Variants in PTPRM observed in about 807,000 individuals in gnomAD.
The protein encoded by PTPRM is protein tyrosine phosphatase receptor type M, also known as receptor-type tyrosine-protein phosphatase mu.
In PTPRM, 47 loss-of-function variants were observed where a neutral mutation model predicts 186.7. The ratio of observed to expected loss-of-function variants is 0.25; its 90% CI spans 0.20 to 0.32. The LOEUF (loss-of-function observed/expected upper bound fraction) is 0.32. PTPRM is among the 10% of genes least tolerant of loss of function. The probability of loss-of-function intolerance (pLI) is 1.00; values close to 1 mark genes in which losing one functional copy is unlikely to be tolerated. For missense variants in PTPRM, 1,494 were observed against 1,865.0 expected (o/e 0.80, Z 3.66); for synonymous variants, 668 against 674.9 (o/e 0.99, Z 0.16).
At chr18:7,926,433 T>C (rs2146798750) in intron 4 of PTPRM, 135 bp from the exon 5 acceptor site, 4 of 518,912 alleles carry the variant, frequency 7.7e-6, no homozygotes, top group Non-Finnish European at 1.3e-5. Flanking sequence ...CTTTAAAGCT[T>C]ATATAAGCAA....
intron 1 of PTPRM, among the ~76,000 whole-genome samples, chr18:7,714,678 AG>A (rs1297117036): frequency 1.3e-5 from 2 of 152,192 alleles, no homozygotes; most frequent in African/African-American, 4.8e-5. Flanking sequence ...AAAATGATAA[AG>A]GGGGTATCAC....
chr18:8,045,523 T>G (rs1041762209), intron 7 of PTPRM, among the ~76,000 whole-genome samples: 2 of 152,204 alleles, frequency 1.3e-5, no homozygotes, highest in African/African-American at 4.8e-5. Flanking sequence ...ACAACATGGA[T>G]GAACTTTGGG....
chr18:7,727,946 T>TAAA (rs2040582324), intron 1 of PTPRM, among the ~76,000 whole-genome samples: 1 of 152,190 alleles, frequency 6.6e-6, no homozygotes, highest in East Asian at 1.9e-4. Flanking sequence ...TTACAGGCAC[T>TAAA]AAAATCAAGG....
intron 7 of PTPRM, among the ~76,000 whole-genome samples, chr18:8,017,446 G>A (rs573079461): frequency 7.9e-5 from 12 of 151,700 alleles, no homozygotes; most frequent in South Asian, 4.2e-4. Flanking sequence ...AGTTGGGTGC[G>A]GTGACATGCA....
chr18:8,250,110 C>T (rs117540073), intron 17 of PTPRM, among the ~76,000 whole-genome samples: 1,913 of 152,242 alleles, frequency 0.013, 17 homozygotes, highest in Middle Eastern at 0.048. Flanking sequence ...AGTCAGAGCT[C>T]AGCACAATTA....
At chr18:8,283,715 A>G (rs1601624447) in intron 19 of PTPRM, among the ~76,000 whole-genome samples, 1 of 152,078 alleles carries the variant, frequency 6.6e-6, no homozygotes, top group South Asian at 2.1e-4. Context: ...CAACCTGAAG[A>G]GATCCTCTTG....
In PTPRM at chr18:7,634,456, T is replaced by C. The variant is rs1425110520; in HGVS notation, c.73+66565T>C. On this transcript the variant is annotated intron_variant, in intron 1 of 32. Transcript: ENST00000580170. ...ACCCAGTTATACCATGGCTATGTCT[T>C]TGTCCCCATGGCTGTGAAGGTAGGA... Among the ~76,000 whole-genome samples, 25 of 152,214 alleles carry C rather than the reference T, an allele frequency of 1.6e-4. 1 individual carries two copies. Among genetic ancestry groups the C allele is most frequent in the Admixed American group, 1.6e-3 (25 of 15,272 alleles).
At chr18:7,719,838 A>T (rs1431644023) in intron 1 of PTPRM, among the ~76,000 whole-genome samples, 2 of 152,354 alleles carry the variant, frequency 1.3e-5, no homozygotes, top group East Asian at 3.9e-4. Context: ...GAAAATCCAA[A>T]CAATCAATGA....
At chr18:7,990,140 G>A (rs1328883408) in intron 7 of PTPRM, among the ~76,000 whole-genome samples, 2 of 152,172 alleles carry the variant, frequency 1.3e-5, no homozygotes, top group African/African-American at 4.8e-5. Flanking sequence ...CTGGCCTCGT[G>A]TGATTCACTG....
Position 7,585,625 on chromosome 18 carries a change from T to C in PTPRM, c.73+17734T>C, listed in dbSNP as rs188854480. ...GTCCAAGGCTTTCTCTCTTTTTTTT[T>C]CCTCTTCTTCTTTTCCCTCATCTAT... On this transcript the variant is annotated intron_variant, in intron 1 of 32. Coordinates refer to ENST00000580170, the MANE Select transcript of PTPRM (RefSeq NM_001105244.2). Among the ~76,000 whole-genome samples, 9 of 152,294 alleles carry C rather than the reference T, an allele frequency of 5.9e-5. 1 individual carries two copies. The East Asian group carries it at 1.4e-3, about 23-fold the overall frequency.
chr18:7,877,360 TATGCTGATTTAAAGATGGATGTTG>T (rs552323663), intron 2 of PTPRM, among the ~76,000 whole-genome samples: 85 of 152,304 alleles, frequency 5.6e-4, no homozygotes, highest in African/African-American at 2.0e-3. Context: ...CTGACCTTGT[TATGCTGATTTAAAGATGGATGTTG>T]GTAACCTGTG....
At chr18:7,704,613 T>A (rs2040037676) in intron 1 of PTPRM, among the ~76,000 whole-genome samples, 1 of 151,708 alleles carries the variant, frequency 6.6e-6, no homozygotes, top group South Asian at 2.1e-4. Context: ...AAAGAAGACA[T>A]CGAAATTTGA....
intron 1 of PTPRM, among the ~76,000 whole-genome samples, chr18:7,604,114 T>G (rs542863259): frequency 6.0e-4 from 91 of 152,346 alleles, no homozygotes; most frequent in African/African-American, 2.1e-3. Flanking sequence ...CCCAATACAT[T>G]TATTCTTTTA....
At chr18:8,286,301 C>G (rs902786402) in intron 19 of PTPRM, among the ~76,000 whole-genome samples, 10 of 152,184 alleles carry the variant, frequency 6.6e-5, no homozygotes, top group Non-Finnish European at 1.5e-4. Flanking sequence ...ACGACATTCA[C>G]CCAAGACCTA....
At chr18:7,833,682 C>T (rs552587249) in intron 2 of PTPRM, among the ~76,000 whole-genome samples, 6 of 151,226 alleles carry the variant, frequency 4.0e-5, no homozygotes, top group East Asian at 2.0e-4. Flanking sequence ...TACAGTGAGC[C>T]GAGATCTCAC....
At chr18:8,163,172 G>A (rs1001492850) in intron 14 of PTPRM, among the ~76,000 whole-genome samples, 34 of 152,308 alleles carry the variant, frequency 2.2e-4, no homozygotes, top group African/African-American at 7.7e-4. Flanking sequence ...TAATTGCTGT[G>A]CTGGTGCCTG....
rs868193441 is a variant in PTPRM, at chr18:7,710,022, G to A, written c.74-64127G>A. Among the ~76,000 whole-genome samples, 7 of 151,978 alleles carry A rather than the reference G, an allele frequency of 4.6e-5. No individual in the cohort carries two copies. The South Asian group carries it at 1.5e-3, about 32-fold the overall frequency. On this transcript the variant is annotated intron_variant, in intron 1 of 32. Transcript: ENST00000580170. ...ACTGAAACTATTCCAAAGATAAAGA[G>A]GGAATCCTCCCTAAGTCATTCTATG...
At chr18:7,715,677 A>G (rs1184494629) in intron 1 of PTPRM, among the ~76,000 whole-genome samples, 2 of 152,250 alleles carry the variant, frequency 1.3e-5, no homozygotes, top group Admixed American at 6.5e-5. Flanking sequence ...TACAAAATCA[A>G]TGTGCAAAAA....
intron 14 of PTPRM, among the ~76,000 whole-genome samples, chr18:8,216,558 C>T (rs1008921671): frequency 3.9e-5 from 6 of 152,114 alleles, no homozygotes; most frequent in African/African-American, 1.4e-4. Flanking sequence ...TGGTAATACA[C>T]CTGTTTTAAT....
Sources: gnomAD v4.1 joint callset for allele counts (sites outside exome capture counted in the v4.1 genomes callset) on GRCh38, gnomAD v4.1.1 for gene constraint, MANE v1.5 for transcripts, NCBI Gene and HGNC (gene_info 2026-07-23, HGNC 2026-07-21) for gene names.